Variants in CFAP161 observed in about 807,000 individuals in gnomAD.
CFAP161 encodes cilia- and flagella-associated protein 161.
In CFAP161, 25 loss-of-function variants were observed where a neutral mutation model predicts 29.0. That is an observed-to-expected ratio of 0.86 (90% CI 0.63 to 1.20). CFAP161 has a LOEUF of 1.20. Ranked by LOEUF, CFAP161 falls within the 50% of genes most tolerant of loss-of-function variation. The pLI, the probability that CFAP161 is intolerant of heterozygous loss-of-function variation, is 0.00. For synonymous variants in CFAP161, 116 were observed against 137.4 expected (o/e 0.84, Z 1.09); for missense variants, 367 against 371.9 (o/e 0.99, Z 0.11).
intron 1 of CFAP161, among the ~76,000 whole-genome samples, chr15:81,121,532 G>T (rs995462528): frequency 8.7e-6 from 1 of 114,528 alleles, no homozygotes; most frequent in Non-Finnish European, 2.0e-5. Context: ...GACTTTTTTG[G>T]TATATTTTAA....
intron 1 of CFAP161, among the ~76,000 whole-genome samples, chr15:81,125,247 C>T (rs1159092403): frequency 1.3e-5 from 2 of 152,056 alleles, no homozygotes; most frequent in Non-Finnish European, 2.9e-5. Flanking sequence ...CAAGTTATTT[C>T]CCTATTAATC....
At chr15:81,106,232 T>C (rs1354332231) in intron 1 of CFAP161, among the ~76,000 whole-genome samples, 3 of 152,122 alleles carry the variant, frequency 2.0e-5, no homozygotes, top group Non-Finnish European at 4.4e-5. Context: ...AAGAAAGACA[T>C]AGTTTGGGGG....
At chr15:81,143,612 A>T in intron 4 of CFAP161, 50 bp from the exon 5 acceptor site, 1 of 1,562,640 alleles carries the variant, frequency 6.4e-7, no homozygotes, top group East Asian at 2.3e-5. Flanking sequence ...TTTATTCTCC[A>T]GCTTTTCACA....
chr15:81,136,172 A>G (rs1276625179), intron 2 of CFAP161, among the ~76,000 whole-genome samples: 1 of 152,230 alleles, frequency 6.6e-6, no homozygotes, highest in East Asian at 1.9e-4. Context: ...GCCCTAAATC[A>G]TGTTTACCTG....
chr15:81,132,562 T>TA (rs528675356), upstream of CFAP161, among the ~76,000 whole-genome samples: 28 of 152,318 alleles, frequency 1.8e-4, no homozygotes, highest in South Asian at 5.2e-3. Context: ...AAAGCAATTG[T>TA]ATAAAACACT....
At chr15:81,142,718 G>A (rs1894932225) in intron 4 of CFAP161, among the ~76,000 whole-genome samples, 1 of 152,198 alleles carries the variant, frequency 6.6e-6, no homozygotes, top group African/African-American at 2.4e-5. Flanking sequence ...CATGGGAAAG[G>A]TGCTTATTGG....
intron 1 of CFAP161, among the ~76,000 whole-genome samples, chr15:81,119,556 C>T (rs1894543882): frequency 6.6e-6 from 1 of 151,904 alleles, no homozygotes; most frequent in Non-Finnish European, 1.5e-5. Flanking sequence ...AAAGAAGATC[C>T]AGCACCACTT....
intron 1 of CFAP161, among the ~76,000 whole-genome samples, chr15:81,126,981 GT>G (rs927405165): frequency 2.0e-5 from 3 of 152,142 alleles, no homozygotes; most frequent in African/African-American, 7.2e-5. Flanking sequence ...ATATTTGCAG[GT>G]TTTTTGAATA....
rs565730119 is a variant in CFAP161 at position 81,123,610 on chromosome 15, A to T, written c.-141-3980A>T. Among the ~76,000 whole-genome samples, 109 of 152,318 alleles carry T rather than the reference A, an allele frequency of 7.2e-4. 1 individual carries two copies. In the South Asian group the frequency reaches 0.019, roughly 27 times the overall value. ...GGTAGTTTAATGGGAATAACATTGA[A>T]TCTATAAACTGCTGTAGGCAGTATG... On this transcript the variant is annotated intron_variant, in intron 1 of 4. Transcript: ENST00000560091.
chr15:81,128,641 G>T (rs1894671131), intron 2 of CFAP161, among the ~76,000 whole-genome samples: 1 of 152,034 alleles, frequency 6.6e-6, no homozygotes. Flanking sequence ...CATGAGGATT[G>T]AAATCAATTT....
intron 4 of CFAP161, among the ~76,000 whole-genome samples, chr15:81,140,476 C>T (rs185388718): frequency 2.0e-4 from 31 of 152,214 alleles, no homozygotes; most frequent in Admixed American, 7.2e-4. Flanking sequence ...TTTCCCTTAG[C>T]ATATATTAAA....
At chr15:81,105,156 CCTCCCTTCCTT>C (rs1377103752) in intron 1 of CFAP161, among the ~76,000 whole-genome samples, 13 of 23,360 alleles carry the variant, frequency 5.6e-4, no homozygotes, top group African/African-American at 2.2e-3. Flanking sequence ...TCCCTCCCTC[CCTCCCTTCCTT>C]CCTCCCTCCC....
chr15:81,137,582 A>G (rs924165307), intron 3 of CFAP161, among the ~76,000 whole-genome samples: 1 of 152,178 alleles, frequency 6.6e-6, no homozygotes, highest in African/African-American at 2.4e-5. Flanking sequence ...GGGGAAAAAA[A>G]AGAATATATA....
chr15:81,135,311 A>G lies in CFAP161; in HGVS notation c.111A>G (p.Lys37=). Residue 37 remains lysine, a synonymous_variant, in exon 2 of 7, where the codon AAA becomes AAG. Transcript: ENST00000286732. ...TCTTAGAGAAGAGAGACAAGGGGAAACTTCTCATACAGAGAAGTAGAAGAC... is the reference window on the plus strand; with the variant it reads ...TCTTAGAGAAGAGAGACAAGGGGAAGCTTCTCATACAGAGAAGTAGAAGAC... ...KDFLEKRDKG[K]LLIQRSRRLK... 1.2e-6 allele frequency: 2 copies of G among 1,600,498 alleles called. No homozygotes were observed. The highest frequency in any genetic ancestry group is 1.7e-6 in the Non-Finnish European group (2 of 1,176,708).
intron 1 of CFAP161, among the ~76,000 whole-genome samples, chr15:81,123,544 T>TTTTAAAATAG (rs1408355837): frequency 2.0e-5 from 3 of 152,190 alleles, no homozygotes; most frequent in African/African-American, 7.2e-5. Context: ...TTCATATGAA[T>TTTTAAAATAG]TTTAAAATAG....
intron 1 of CFAP161, among the ~76,000 whole-genome samples, chr15:81,104,496 C>A (rs944603692): frequency 3.9e-5 from 6 of 152,306 alleles, no homozygotes; most frequent in South Asian, 2.1e-4. Context: ...AGGAAGGTAT[C>A]CTCTCCCATG....
chr15:81,103,142 G>A (rs919011259), intron 1 of CFAP161, among the ~76,000 whole-genome samples: 92 of 152,282 alleles, frequency 6.0e-4, no homozygotes, highest in African/African-American at 2.1e-3. Context: ...CACTGCTCAC[G>A]TCAAATTTAT....
At chr15:81,135,439 T>A in intron 2 of CFAP161, 80 bp downstream of exon 2, 1 of 899,798 alleles carries the variant, frequency 1.1e-6, no homozygotes, top group South Asian at 1.7e-5. Context: ...TATGTATACA[T>A]ATGCTATGTT....
intron 1 of CFAP161, among the ~76,000 whole-genome samples, chr15:81,115,097 G>A (rs1170749996): frequency 6.6e-6 from 1 of 152,178 alleles, no homozygotes; most frequent in Non-Finnish European, 1.5e-5. Flanking sequence ...TTTTGTATAA[G>A]TTTGTGACGA....
Sources: allele counts gnomAD v4.1 joint callset (sites outside exome capture counted in the v4.1 genomes callset), GRCh38; gene constraint gnomAD v4.1.1; transcripts MANE v1.5; gene names NCBI Gene and HGNC (gene_info 2026-07-23, HGNC 2026-07-21).